The following CASZ1 variants were observed in gnomAD, a reference collection of about 807,000 sequenced individuals.
The protein encoded by CASZ1 is castor zinc finger 1.
Under a neutral mutation model 135.2 loss-of-function variants are expected in CASZ1, and 28 were observed. That is an observed-to-expected ratio of 0.21 (90% CI 0.15 to 0.28). CASZ1 has a LOEUF of 0.28. CASZ1 is among the 10% of genes least tolerant of loss of function. The probability of loss-of-function intolerance (pLI) is 1.00; values close to 1 mark genes in which losing one functional copy is unlikely to be tolerated. For missense variants in CASZ1, 2,161 were observed against 2,453.3 expected, an observed-to-expected ratio of 0.88 and a Z score of 2.52; for synonymous variants, 1,068 against 1,073.4, an observed-to-expected ratio of 0.99 and a Z score of 0.10.
rs1051735403 is a variant in CASZ1 at position 10,756,845 on chromosome 1, G to A, written c.-77+3856C>T. Among the ~76,000 whole-genome samples, 3 of 152,290 alleles carry A rather than the reference G, an allele frequency of 2.0e-5. No homozygotes were observed. The highest frequency in any genetic ancestry group is 4.1e-4 in the South Asian group (2 of 4,828). On this transcript the variant is annotated intron_variant, in intron 2 of 20. Transcript: ENST00000377022. This position sits in a 1 kb window ranked among gnomAD's most constrained non-coding sequence, Gnocchi z 5.9. ...CCAGCCCTCACAGCTCACCAACGAC[G>A]CTCTATATGACCCGGCACGTGGAAA... is the stretch of plus-strand genomic sequence containing the variant.
At chr1:10,680,891 A>ATCTT (rs200567467) in intron 4 of CASZ1, among the ~76,000 whole-genome samples, 15 of 151,978 alleles carry the variant, frequency 9.9e-5, no homozygotes, top group Non-Finnish European at 1.3e-4. Context: ...CCTCACCCCC[A>ATCTT]TCTTTCTTTC....
Position 10,660,231 on chromosome 1 carries a change from C to T in CASZ1, c.811G>A (p.Gly271Ser), listed in dbSNP as rs1642972248. ...TEERVGKEVVGTLPGLRLPSS... is the reference protein window; with the variant it reads ...TEERVGKEVVSTLPGLRLPSS... ...GGCAGCCGCAGGCCGGGCAGGGTGC[C>T]CACCACCTCCTTGCCCACCCGCTCC... Residue 271 changes from glycine (G) to serine (S), a missense_variant, in exon 6 of 21, where the codon GGC becomes AGC. This residue lies in a region of CASZ1 where 590 missense variants were observed against 609.8 expected (regional missense o/e 0.97). Coordinates refer to ENST00000377022, the MANE Select transcript of CASZ1 (RefSeq NM_001079843.3). 6.2e-7 allele frequency: 1 copy of T among 1,613,048 alleles called. No homozygotes were observed. The highest frequency in any genetic ancestry group is 2.2e-5 in the East Asian group (1 of 44,856).
chr1:10,649,208 G>A lies in CASZ1; in HGVS notation c.3036-16C>T, dbSNP rs1392490426. 6 of 1,612,518 alleles carry A rather than the reference G, an allele frequency of 3.7e-6. No individual in the cohort carries two copies. The highest frequency in any genetic ancestry group is 5.1e-6 in the Non-Finnish European group (6 of 1,179,264). ...TGTACCAAACCTAGCCAGAGGAGCT[G>A]GCGTTAGAGGAGAGCCTGGGGCTCC... On this transcript the variant is annotated splice_polypyrimidine_tract_variant and intron_variant, in intron 14 of 20. Transcript: ENST00000377022.
In CASZ1 at chr1:10,755,923, G is replaced by A. The variant is rs995232843; in HGVS notation, c.-77+4778C>T. On this transcript the variant is annotated intron_variant, in intron 2 of 20. Coordinates refer to ENST00000377022, the MANE Select transcript of CASZ1 (RefSeq NM_001079843.3). The surrounding 1 kb of genome is among the most constrained non-coding windows in gnomAD (Gnocchi z 4.3). Reference sequence around the variant, plus strand: ...CTCACATCAGATCAAAGCCCTGGAGGATGGCATGAGAACTGTCCAGTCCAG... The same window carrying A: ...CTCACATCAGATCAAAGCCCTGGAGAATGGCATGAGAACTGTCCAGTCCAG... 4.0e-5 allele frequency among the ~76,000 whole-genome samples: 6 copies of A among 151,520 alleles called. No individual in the cohort carries two copies. The highest frequency in any genetic ancestry group is 8.8e-5 in the Non-Finnish European group (6 of 67,844).
At chr1:10,688,415 A>T (rs1638662355) in intron 4 of CASZ1, among the ~76,000 whole-genome samples, 1 of 152,138 alleles carries the variant, frequency 6.6e-6, no homozygotes, top group Admixed American at 6.5e-5. Flanking sequence ...ATGGGAAGCA[A>T]GAGTTCTGCT....
chr1:10,707,401 G>A lies in CASZ1; in HGVS notation c.-76-1857C>T, dbSNP rs1459648462. ...TGACAACAAGGGAGCGCGGGAGACCGGAGCGCTGAACCCAAATCCCTCAGC... is the reference window on the plus strand; with the variant it reads ...TGACAACAAGGGAGCGCGGGAGACCAGAGCGCTGAACCCAAATCCCTCAGC... On this transcript the variant is annotated intron_variant, in intron 2 of 20. Coordinates refer to ENST00000377022, the MANE Select transcript of CASZ1 (RefSeq NM_001079843.3). The surrounding 1 kb of genome is among the most constrained non-coding windows in gnomAD (Gnocchi z 5.0). 1.3e-5 allele frequency among the ~76,000 whole-genome samples: 2 copies of A among 152,200 alleles called. No homozygotes were observed. The highest frequency in any genetic ancestry group is 2.1e-4 in the South Asian group (1 of 4,830).
chr1:10,738,748 C>T (rs1330242071), intron 2 of CASZ1, among the ~76,000 whole-genome samples: 1 of 152,144 alleles, frequency 6.6e-6, no homozygotes, highest in East Asian at 1.9e-4. Context: ...CAGGCCTGTG[C>T]CTTTAAAAGA....
At position 10,714,194 on chromosome 1, in the gene CASZ1, G is replaced by A. The variant is rs544231233; in HGVS notation, c.-76-8650C>T. Among the ~76,000 whole-genome samples the A allele has an allele frequency of 5.9e-5, 9 of 152,206 alleles. No homozygotes were observed. The East Asian group carries it at 9.7e-4, about 16-fold the overall frequency. ...GGTGGCACGCACCTGTAGTAGTCCC[G>A]CTACTGAGGAGGCTGAGGCAGGAGA... On this transcript the variant is annotated intron_variant, in intron 2 of 20. Transcript: ENST00000377022.
At chr1:10,737,204 G>A (rs1240034346) in intron 2 of CASZ1, among the ~76,000 whole-genome samples, 1 of 152,214 alleles carries the variant, frequency 6.6e-6, no homozygotes, top group African/African-American at 2.4e-5. Flanking sequence ...TAGGCCCCTC[G>A]TTCCCACAAC....
At chr1:10,670,831 C>A (rs1643374734) in intron 4 of CASZ1, among the ~76,000 whole-genome samples, 1 of 152,204 alleles carries the variant, frequency 6.6e-6, no homozygotes, top group Admixed American at 6.5e-5. Context: ...TCAGCTGTGA[C>A]CCCTCCCCCA....
rs759552804 is a variant in CASZ1 at position 10,676,493 on chromosome 1, G to A, written c.17-10922C>T. On this transcript the variant is annotated intron_variant, in intron 4 of 20. Transcript: ENST00000377022. This position sits in a 1 kb window ranked among gnomAD's most constrained non-coding sequence, Gnocchi z 4.5. ...GACAAAGAAGACACCAAGAGCCCCC[G>A]GGGAGGCCTCTCCACCATCCTCTGA... Among the ~76,000 whole-genome samples, 6 of 151,924 alleles carry A rather than the reference G, an allele frequency of 3.9e-5. No individual in the cohort carries two copies. Among genetic ancestry groups the A allele is most frequent in the East Asian group, 1.9e-4 (1 of 5,156 alleles).
At chr1:10,674,682 C>T (rs1643510565) in intron 4 of CASZ1, among the ~76,000 whole-genome samples, 1 of 152,254 alleles carries the variant, frequency 6.6e-6, no homozygotes, top group South Asian at 2.1e-4. Flanking sequence ...GAGTCCCCTC[C>T]TCGGAGCCGG....
intron 4 of CASZ1, among the ~76,000 whole-genome samples, chr1:10,693,506 A>AC (rs1638831487): frequency 8.0e-6 from 1 of 124,408 alleles, no homozygotes; most frequent in Non-Finnish European, 1.6e-5. Context: ...ACAAAAAAAA[A>AC]AAAAAAAAAA....
rs547507812 is a variant in CASZ1, at chr1:10,721,019, C to A, written c.-76-15475G>T. 2.0e-5 allele frequency among the ~76,000 whole-genome samples: 3 copies of A among 152,336 alleles called. No individual in the cohort carries two copies. The highest frequency in any genetic ancestry group is 7.2e-5 in the African/African-American group (3 of 41,580). The stretch of plus-strand genomic sequence containing the variant: ...GATTTAAGAGCAAAGCCACAGAGGG[C>A]CCTCATCCTGCCTCCTCGCCCGTAA... On this transcript the variant is annotated intron_variant, in intron 2 of 20. Coordinates refer to ENST00000377022, the MANE Select transcript of CASZ1 (RefSeq NM_001079843.3). This position sits in a 1 kb window ranked among gnomAD's most constrained non-coding sequence, Gnocchi z 5.4.
Position 10,659,986 on chromosome 1 carries a change from G to A in CASZ1, c.1056C>T (p.Pro352=), listed in dbSNP as rs781011514. 20 of 1,613,644 alleles carry A rather than the reference G, an allele frequency of 1.2e-5. No homozygotes were observed. The highest frequency in any genetic ancestry group is 2.7e-5 in the African/African-American group (2 of 74,918). The part of the protein sequence containing the change: ...ENVKYLHLFK[P]GEGSPDMGGA... Reference sequence around the variant, plus strand: ...CGCCCATGTCGGGGCTGCCCTCCCCGGGTTTGAAGAGGTGCAGGTACTTGA... The same window carrying A: ...CGCCCATGTCGGGGCTGCCCTCCCCAGGTTTGAAGAGGTGCAGGTACTTGA... The change falls in exon 6 of 21, where the codon CCC becomes CCT. Residue 352 remains proline, a synonymous_variant. Transcript: ENST00000377022.
At position 10,757,080 on chromosome 1, in the gene CASZ1, A is replaced by G. The variant is rs1640273471; in HGVS notation, c.-77+3621T>C. The stretch of plus-strand genomic sequence containing the variant: ...CTCACTCCTGAAAACGGTGTCGGAG[A>G]GAAGCAGTTCCCTCCGCAAGGAGCC... On this transcript the variant is annotated intron_variant, in intron 2 of 20. Transcript: ENST00000377022. This position sits in a 1 kb window ranked among gnomAD's most constrained non-coding sequence, Gnocchi z 4.6. 6.6e-6 allele frequency among the ~76,000 whole-genome samples: 1 copy of G among 152,094 alleles called. No individual in the cohort carries two copies. The highest frequency in any genetic ancestry group is 2.1e-4 in the South Asian group (1 of 4,818).
chr1:10,656,230 G>A lies in CASZ1; in HGVS notation c.1500+416C>T, dbSNP rs573311708. Among the ~76,000 whole-genome samples the A allele has an allele frequency of 4.6e-5, 7 of 152,350 alleles. No individual in the cohort carries two copies. The South Asian group carries it at 6.2e-4, about 14-fold the overall frequency. ...GACTCTCCCCCCACTCACCAGCCCC[G>A]CGCTCACTGGCGGGCAGCCTTGGGC... On this transcript the variant is annotated intron_variant, in intron 8 of 20. Transcript: ENST00000377022.
chr1:10,713,818 G>A (rs551515849), intron 2 of CASZ1, among the ~76,000 whole-genome samples: 26 of 152,336 alleles, frequency 1.7e-4, no homozygotes, highest in African/African-American at 4.8e-4. Flanking sequence ...GGCATTGCTG[G>A]CCGCCCCTGT....
Position 10,636,854 on chromosome 1 carries a change from A to G in CASZ1, c.*2088T>C, listed in dbSNP as rs1642010136. ...TCAAAACCTCTCTATATATCTCTAT[A>G]TATCTATATATGTATATACATATAG... On this transcript the variant is annotated 3_prime_UTR_variant, in exon 21 of 21. Transcript: ENST00000377022. 2 of 151,954 alleles carry G rather than the reference A, an allele frequency of 1.3e-5. No homozygotes were observed. The highest frequency in any genetic ancestry group is 2.1e-4 in the South Asian group (1 of 4,830). The allele number at this position is 151,954 out of a possible 1,614,324, so 9.4% of individuals were successfully genotyped here.
Sources: gnomAD v4.1 joint callset for allele counts (sites outside exome capture counted in the v4.1 genomes callset) on GRCh38, gnomAD v4.1.1 for gene constraint, gnomAD v4.1.1 regional missense constraint, Gnocchi (gnomAD v3.1) non-coding constraint, MANE v1.5 for transcripts, NCBI Gene and HGNC (gene_info 2026-07-23, HGNC 2026-07-21) for gene names.